RTF1: variants seen among roughly 807,000 people sequenced by gnomAD.
RTF1 encodes the protein RNA polymerase-associated protein RTF1 homolog.
RTF1 carries 10 observed loss-of-function variants against 95.7 expected under a neutral mutation model. That is an observed-to-expected ratio of 0.10 (90% CI 0.06 to 0.18). RTF1 has a LOEUF of 0.18. Among genes scored for constraint, RTF1 ranks in the 10% least tolerant of loss-of-function variants. RTF1 has a pLI of 1.00. For synonymous variants in RTF1, 305 were observed against 311.8 expected, an observed-to-expected ratio of 0.98 and a Z score of 0.23; for missense variants, 458 against 875.6, an observed-to-expected ratio of 0.52 and a Z score of 6.02.
At chr15:41,470,568 G>T (rs565936757) in intron 7 of RTF1, among the ~76,000 whole-genome samples, 176 bp downstream of exon 7, 3 of 151,452 alleles carry the variant, frequency 2.0e-5, no homozygotes, top group South Asian at 4.2e-4. Flanking sequence ...TAGCCTGTAC[G>T]CTTAGACATT....
intron 15 of RTF1, 53 bp downstream of exon 15, chr15:41,478,678 A>G (rs1285372362): frequency 7.5e-7 from 1 of 1,336,442 alleles, no homozygotes; most frequent in Non-Finnish European, 1.1e-6. Context: ...AGGACACAAA[A>G]TGAATTCCAT....
intron 2 of RTF1, among the ~76,000 whole-genome samples, chr15:41,447,220 G>A (rs996915917): frequency 1.3e-5 from 2 of 152,096 alleles, no homozygotes; most frequent in Non-Finnish European, 2.9e-5. Context: ...TAGGAATATG[G>A]GTATTCCTTG....
chr15:41,469,293 G>GT (rs1566847638), intron 6 of RTF1, among the ~76,000 whole-genome samples: 1 of 151,670 alleles, frequency 6.6e-6, no homozygotes, highest in South Asian at 2.1e-4. Context: ...TTTTTAAATC[G>GT]TAAGTACACA....
intron 8 of RTF1, among the ~76,000 whole-genome samples, chr15:41,471,582 T>C (rs191892254): frequency 1.3e-5 from 2 of 152,328 alleles, no homozygotes; most frequent in African/African-American, 4.8e-5. Context: ...AATAATTTTC[T>C]CTATTCTCCC....
At position 41,480,691 on chromosome 15, in the gene RTF1, C is replaced by T. The variant is rs2050967696; in HGVS notation, c.*4C>T. 1 of 1,603,444 alleles carries T rather than the reference C, an allele frequency of 6.2e-7. No individual in the cohort carries two copies. The highest frequency in any genetic ancestry group is 8.5e-7 in the Non-Finnish European group (1 of 1,170,228). ...AAAACGACGAGGGCTTATTTGAGCA[C>T]ACCCAGCCTGCTGCTTCTGACCCTG... On this transcript the variant is annotated 3_prime_UTR_variant, in exon 18 of 18. Coordinates refer to ENST00000389629, the MANE Select transcript of RTF1 (RefSeq NM_015138.5).
At chr15:41,443,084 A>T (rs2050743775) in intron 2 of RTF1, among the ~76,000 whole-genome samples, 1 of 152,164 alleles carries the variant, frequency 6.6e-6, no homozygotes, top group South Asian at 2.1e-4. Context: ...GGTCAAGAAC[A>T]ACTGAGCTAA....
At chr15:41,424,136 C>T (rs1457012773) in intron 1 of RTF1, among the ~76,000 whole-genome samples, 1 of 152,168 alleles carries the variant, frequency 6.6e-6, no homozygotes, top group Non-Finnish European at 1.5e-5. Flanking sequence ...CAGTTTCCAC[C>T]TTCAAGGAGT....
At chr15:41,454,399 A>AT (rs895159376) in intron 3 of RTF1, among the ~76,000 whole-genome samples, 12 of 150,234 alleles carry the variant, frequency 8.0e-5, no homozygotes, top group South Asian at 2.1e-4. Context: ...CCATAAAAAA[A>AT]TTTTTTTTTT....
intron 1 of RTF1, among the ~76,000 whole-genome samples, chr15:41,437,112 G>C (rs1362631790): frequency 2.6e-5 from 4 of 151,354 alleles, no homozygotes; most frequent in African/African-American, 9.7e-5. Context: ...TAAAAACCAA[G>C]AACAACAAAA....
chr15:41,479,157 G>A lies in RTF1; in HGVS notation c.1873G>A (p.Gly625Ser), dbSNP rs1245269825. 3 of 1,613,840 alleles carry A rather than the reference G, an allele frequency of 1.9e-6. No homozygotes were observed. Among genetic ancestry groups the A allele is most frequent in the Admixed American group, 1.7e-5 (1 of 59,994 alleles). ...CTTGGCCCAGCTGAATGCAAAATAC[G>A]GTTCTGGAGTGTTACCAGATGCTCC... The part of the protein sequence containing the change: ...AILAQLNAKY[G>S]SGVLPDAPKE... Residue 625 changes from glycine to serine, a missense_variant, in exon 16 of 18, where the codon GGT (glycine) becomes AGT (serine). Physicochemically the swap from Gly to Ser is moderately conservative, Grantham distance 56. Transcript: ENST00000389629.
At position 41,457,959 on chromosome 15, in the gene RTF1, C is replaced by A. The variant is rs189942937; in HGVS notation, c.662+83C>A. On this transcript the variant is annotated intron_variant, in intron 4 of 17. Transcript: ENST00000389629. ...TTCTCATACTTCCCTGTCCTTCACACCTGACCTACACATGGAGACTGGCAT... is the reference window on the plus strand; with the variant it reads ...TTCTCATACTTCCCTGTCCTTCACAACTGACCTACACATGGAGACTGGCAT... 4.6e-6 allele frequency: 5 copies of A among 1,077,004 alleles called. No individual in the cohort carries two copies. The African/African-American group carries it at 7.8e-5, about 17-fold the overall frequency. 66.7% of individuals were successfully genotyped at this position (1,077,004 alleles called of 1,614,324 possible).
intron 6 of RTF1, among the ~76,000 whole-genome samples, chr15:41,469,688 G>A (rs1005040968): frequency 6.6e-6 from 1 of 151,832 alleles, no homozygotes; most frequent in Admixed American, 6.6e-5. Flanking sequence ...ACAATGCCTG[G>A]CTAATTTTTG....
chr15:41,471,830 C>G (rs2050913058), intron 8 of RTF1, among the ~76,000 whole-genome samples: 2 of 152,058 alleles, frequency 1.3e-5, no homozygotes, highest in Non-Finnish European at 2.9e-5. Flanking sequence ...GTGGCTTACT[C>G]CTGTAATCCC....
At chr15:41,455,140 C>T (rs1264564545) in intron 3 of RTF1, among the ~76,000 whole-genome samples, 2 of 151,644 alleles carry the variant, frequency 1.3e-5, no homozygotes, top group Non-Finnish European at 2.9e-5. Context: ...ATGGTGAAAC[C>T]CCGTCTCTAC....
chr15:41,483,157 G>A lies in RTF1; in HGVS notation c.*2470G>A, dbSNP rs760427997. On this transcript the variant is annotated 3_prime_UTR_variant, in exon 18 of 18. Transcript: ENST00000389629. ...GACTAAGGACTTGTCTCCAATCTCA[G>A]CTGAGGCAGTGCCTCTGAACCAAGA... 2 of 152,578 alleles carry A rather than the reference G, an allele frequency of 1.3e-5. No individual in the cohort carries two copies. Among genetic ancestry groups the A allele is most frequent in the Admixed American group, 6.6e-5 (1 of 15,264 alleles). The allele number at this position is 152,578 out of a possible 1,614,324, so 9.5% of individuals were successfully genotyped here. A position where few individuals can be genotyped will look rare whatever the true frequency, so the allele number is the denominator to read the frequency against.
chr15:41,449,132 C>T (rs2050777579), intron 2 of RTF1, among the ~76,000 whole-genome samples: 1 of 152,042 alleles, frequency 6.6e-6, no homozygotes, highest in South Asian at 2.1e-4. Context: ...AATCAGCCTG[C>T]CTCGGCCTCC....
Position 41,464,873 on chromosome 15 carries a change from T to A in RTF1, c.765T>A (p.Ile255=), listed in dbSNP as rs2050872239. The A allele has an allele frequency of 1.3e-6, 2 of 1,528,666 alleles. No homozygotes were observed. Among genetic ancestry groups the A allele is most frequent in the South Asian group, 2.5e-5 (2 of 78,570 alleles). The allele number at this position is 1,528,666 out of a possible 1,614,324, so 94.7% of individuals were successfully genotyped here. The change falls in exon 5 of 18, where the codon ATT becomes ATA. Residue 255 remains isoleucine, a synonymous_variant. Coordinates refer to ENST00000389629, the MANE Select transcript of RTF1 (RefSeq NM_015138.5). ...EEQEKKKLTQ[I]QESQVTSHNK... is the part of the protein sequence containing the mutation. ...AAGAAAAGAAAAAACTGACACAGAT[T>A]CAAGAATCTCAGGTAGGAGATTCAG...
rs1566850819 is a variant in RTF1, at chr15:41,479,092, T to G, written c.1819-11T>G. The G allele has an allele frequency of 6.2e-7, 1 of 1,600,600 alleles. No homozygotes were observed. The highest frequency in any genetic ancestry group is 1.7e-5 in the Admixed American group (1 of 59,858). The stretch of plus-strand genomic sequence containing the variant: ...CAAGCAATCTCTAAAACAACTTATT[T>G]TCTCTCTCAGTCCAGAGACCCAGCT... On this transcript the variant is annotated splice_polypyrimidine_tract_variant and intron_variant, in intron 15 of 17. Coordinates refer to ENST00000389629, the MANE Select transcript of RTF1 (RefSeq NM_015138.5).
chr15:41,451,516 C>T (rs1225646576), intron 2 of RTF1, among the ~76,000 whole-genome samples: 1 of 152,096 alleles, frequency 6.6e-6, no homozygotes, highest in Non-Finnish European at 1.5e-5. Context: ...ATTACAGGTT[C>T]CTTATGTCTT....
Sources: gnomAD v4.1 joint callset for allele counts (sites outside exome capture counted in the v4.1 genomes callset) on GRCh38, gnomAD v4.1.1 for gene constraint, MANE v1.5 for transcripts, NCBI Gene and HGNC (gene_info 2026-07-23, HGNC 2026-07-21) for gene names.